The following NUDCD1 variants were observed in gnomAD, a reference collection of about 807,000 sequenced individuals.
The protein encoded by NUDCD1 is NudC domain containing 1, also known as nudC domain-containing protein 1.
In NUDCD1, 60 loss-of-function variants were observed where a neutral mutation model predicts 67.8. The ratio of observed to expected loss-of-function variants is 0.88; its 90% CI spans 0.72 to 1.10. The LOEUF is 1.10. Ranked by LOEUF, NUDCD1 falls within the 50% of genes least tolerant of loss-of-function variation. NUDCD1 has a pLI of 0.00. For missense variants in NUDCD1, 643 were observed against 695.0 expected, an observed-to-expected ratio of 0.93 and a Z score of 0.84; for synonymous variants, 244 against 230.8, an observed-to-expected ratio of 1.06 and a Z score of -0.52.
chr8:109,310,166 G>T (rs1815208558), intron 2 of NUDCD1, among the ~76,000 whole-genome samples: 1 of 151,850 alleles, frequency 6.6e-6, no homozygotes, highest in African/African-American at 2.4e-5. Context: ...ACCAAAGCAA[G>T]ACTAAGTTAA....
At chr8:109,260,620 A>C (rs571453076) in intron 8 of NUDCD1, among the ~76,000 whole-genome samples, 1 of 152,372 alleles carries the variant, frequency 6.6e-6, no homozygotes, top group South Asian at 2.1e-4. Flanking sequence ...TATAATTCAC[A>C]TATCTCAGAT....
At chr8:109,300,001 T>G (rs1031583378) in intron 2 of NUDCD1, among the ~76,000 whole-genome samples, 2 of 151,852 alleles carry the variant, frequency 1.3e-5, no homozygotes, top group Admixed American at 1.3e-4. Context: ...AAAACAGAGA[T>G]AACAATCACT....
At chr8:109,314,004 C>T (rs1023196111) in intron 2 of NUDCD1, 21 of 347,914 alleles carry the variant, frequency 6.0e-5, no homozygotes, top group Non-Finnish European at 1.0e-4. Context: ...TTGTTTAGAT[C>T]TAATTTTCAA....
chr8:109,308,365 A>G (rs551326469), intron 2 of NUDCD1, among the ~76,000 whole-genome samples: 3 of 152,178 alleles, frequency 2.0e-5, no homozygotes, highest in Non-Finnish European at 2.9e-5. Context: ...AAACACCTAC[A>G]TCGGAAAGTC....
chr8:109,327,173 A>T (rs973397572), intron 1 of NUDCD1, among the ~76,000 whole-genome samples: 1 of 152,210 alleles, frequency 6.6e-6, no homozygotes, highest in African/African-American at 2.4e-5. Flanking sequence ...GGTGTAAAAA[A>T]GTAAAAGTAC....
chr8:109,308,903 C>G (rs1416019343), intron 2 of NUDCD1, among the ~76,000 whole-genome samples: 1 of 148,932 alleles, frequency 6.7e-6, no homozygotes, highest in African/African-American at 2.5e-5. Context: ...ACCCAGGAGG[C>G]AGAGCTTGCA....
chr8:109,295,279 C>T (rs940355342), intron 3 of NUDCD1, among the ~76,000 whole-genome samples: 5 of 152,048 alleles, frequency 3.3e-5, no homozygotes, highest in Admixed American at 1.3e-4. Context: ...TAAATTCCCA[C>T]TCATATCTCT....
chr8:109,299,144 C>A (rs1814916489), intron 2 of NUDCD1, among the ~76,000 whole-genome samples: 1 of 152,200 alleles, frequency 6.6e-6, no homozygotes, highest in Admixed American at 6.5e-5. Flanking sequence ...CCTGTCCTCA[C>A]AGGGGTCCTT....
chr8:109,310,282 A>G (rs919726550), intron 2 of NUDCD1, among the ~76,000 whole-genome samples: 10 of 152,334 alleles, frequency 6.6e-5, no homozygotes, highest in African/African-American at 2.4e-4. Context: ...ACACAGACCA[A>G]TGGAAAAAAA....
intron 8 of NUDCD1, among the ~76,000 whole-genome samples, chr8:109,261,417 T>A (rs1388219940): frequency 2.0e-5 from 3 of 152,126 alleles, no homozygotes; most frequent in Admixed American, 1.3e-4. Context: ...AACTCAACTA[T>A]ACATGACAAT....
chr8:109,311,028 A>G (rs140300048), intron 2 of NUDCD1, among the ~76,000 whole-genome samples: 30,080 of 151,638 alleles, frequency 0.2, 3,892 homozygotes, highest in Admixed American at 0.3. Context: ...GTTGGCCAGG[A>G]CGGTCTCAAT....
chr8:109,246,851 G>A (rs373479492), intron 8 of NUDCD1, among the ~76,000 whole-genome samples: 1 of 152,142 alleles, frequency 6.6e-6, no homozygotes, highest in Non-Finnish European at 1.5e-5. Flanking sequence ...GTGGAGACCT[G>A]ACCTGAATTC....
Position 109,322,242 on chromosome 8 carries a change from A to G in NUDCD1, c.273+67T>C, listed in dbSNP as rs1177536503. 6 of 820,124 alleles carry G rather than the reference A, an allele frequency of 7.3e-6. No individual in the cohort carries two copies. The Admixed American group carries it at 1.5e-4, about 20-fold the overall frequency. The allele number at this position is 820,124 out of a possible 1,614,324, so 50.8% of individuals were successfully genotyped here. A position where few individuals can be genotyped will look rare whatever the true frequency, so the allele number is the denominator to read the frequency against. ...CTCTGGATATTAGATTCAAAAGGGAAACTTAATTATCAAATTTGCTTGATA... is the reference window on the plus strand; with the variant it reads ...CTCTGGATATTAGATTCAAAAGGGAGACTTAATTATCAAATTTGCTTGATA... On this transcript the variant is annotated intron_variant, in intron 2 of 9. Transcript: ENST00000239690.
At chr8:109,305,050 T>C (rs924607145) in intron 2 of NUDCD1, among the ~76,000 whole-genome samples, 1 of 152,192 alleles carries the variant, frequency 6.6e-6, no homozygotes, top group Non-Finnish European at 1.5e-5. Context: ...TTCCTTTCCA[T>C]CGTGGAAATC....
In NUDCD1 at chr8:109,305,812, C is replaced by T. The variant is rs572366089; in HGVS notation, c.274-9243G>A. 1.5e-4 allele frequency among the ~76,000 whole-genome samples: 23 copies of T among 152,200 alleles called. No homozygotes were observed. The South Asian group carries it at 2.9e-3, about 19-fold the overall frequency. ...AACGGCTGTTCGTCTGCAGGACCCC[C>T]GCATTAGGTTCATAGATCCAGAGTA... is the stretch of plus-strand genomic sequence containing the variant. On this transcript the variant is annotated intron_variant, in intron 2 of 9. Transcript: ENST00000239690.
At chr8:109,252,918 A>G (rs538340347) in intron 8 of NUDCD1, among the ~76,000 whole-genome samples, 2 of 152,310 alleles carry the variant, frequency 1.3e-5, no homozygotes, top group South Asian at 4.1e-4. Context: ...TTCCTTGATC[A>G]CTATTTATTA....
chr8:109,311,458 A>C (rs1207209355), intron 2 of NUDCD1, among the ~76,000 whole-genome samples: 1 of 151,812 alleles, frequency 6.6e-6, no homozygotes, highest in African/African-American at 2.4e-5. Context: ...TATACAAAAA[A>C]GATACTTCCA....
intron 6 of NUDCD1, among the ~76,000 whole-genome samples, chr8:109,280,164 A>G (rs1425540146): frequency 6.6e-6 from 1 of 152,234 alleles, no homozygotes; most frequent in Admixed American, 6.5e-5. Context: ...ATTGTCTAAA[A>G]TGATGGTGCA....
rs184963628 is a variant in NUDCD1, at chr8:109,251,932, G to A, written c.1300-6451C>T. Among the ~76,000 whole-genome samples the A allele has an allele frequency of 1.1e-4, 16 of 152,048 alleles. No homozygotes were observed. In the East Asian group the frequency reaches 2.9e-3, roughly 28 times the overall value. ...CCCCTAAGCTTTAGCTGTATTCCACGTGTGCCATGTTTCATCTTCGTTCAA... is the reference window on the plus strand; with the variant it reads ...CCCCTAAGCTTTAGCTGTATTCCACATGTGCCATGTTTCATCTTCGTTCAA... On this transcript the variant is annotated intron_variant, in intron 8 of 9. Coordinates refer to ENST00000239690, the MANE Select transcript of NUDCD1 (RefSeq NM_032869.4).
Sources: gnomAD v4.1 joint callset for allele counts (sites outside exome capture counted in the v4.1 genomes callset) on GRCh38, gnomAD v4.1.1 for gene constraint, MANE v1.5 for transcripts, NCBI Gene and HGNC (gene_info 2026-07-23, HGNC 2026-07-21) for gene names.